Variants in PLB1 observed in about 807,000 individuals in gnomAD.
PLB1 encodes phospholipase B1.
PLB1 carries 242 observed loss-of-function variants against 227.4 expected under a neutral mutation model. That is an observed-to-expected ratio of 1.06 (90% CI 0.96 to 1.18). PLB1 has a LOEUF of 1.18. Among genes scored for constraint, PLB1 ranks in the 50% most tolerant of loss-of-function variants. The pLI, the probability that PLB1 is intolerant of heterozygous loss-of-function variation, is 0.00. For synonymous variants in PLB1, 757 were observed against 682.2 expected, an observed-to-expected ratio of 1.11 and a Z score of -1.71; for missense variants, 1,858 against 1,816.3, an observed-to-expected ratio of 1.02 and a Z score of -0.42.
rs1222477823 is a variant in PLB1 at position 28,629,194 on chromosome 2, A to G, written c.3818+9A>G. The G allele has an allele frequency of 4.3e-6, 7 of 1,612,686 alleles. No individual in the cohort carries two copies. The East Asian group carries it at 6.7e-5, about 15-fold the overall frequency. On this transcript the variant is annotated intron_variant, in intron 53 of 57. Transcript: ENST00000327757. ...GCCATGCTGGCAGCTCAGTAAGTGG[A>G]CAGGTCACCGTCCCAAGGCAAGGGC...
chr2:28,536,272 C>CA (rs1158665524), intron 9 of PLB1, among the ~76,000 whole-genome samples: 7 of 152,222 alleles, frequency 4.6e-5, no homozygotes, highest in African/African-American at 1.7e-4. Flanking sequence ...GTGACAATGA[C>CA]TCTGAAGGCA....
chr2:28,625,668 C>T (rs1341823225), intron 50 of PLB1, among the ~76,000 whole-genome samples: 2 of 152,158 alleles, frequency 1.3e-5, no homozygotes, highest in African/African-American at 2.4e-5. Context: ...AGTCTCCTTC[C>T]CCCGACCCTA....
chr2:28,510,768 A>T (rs1459159257), intron 1 of PLB1, among the ~76,000 whole-genome samples: 1 of 102,366 alleles, frequency 9.8e-6, no homozygotes, highest in East Asian at 2.3e-4. Flanking sequence ...GCACCACCAC[A>T]CTCAGATAAT....
At chr2:28,595,308 C>G (rs1448327492) in intron 33 of PLB1, 1 of 152,160 alleles carries the variant, frequency 6.6e-6, no homozygotes, top group African/African-American at 2.4e-5. Flanking sequence ...CTAAATGTTT[C>G]AAATAGCTGC....
At chr2:28,503,830 T>C (rs1045283283) in intron 1 of PLB1, among the ~76,000 whole-genome samples, 1 of 152,184 alleles carries the variant, frequency 6.6e-6, no homozygotes, top group Non-Finnish European at 1.5e-5. Flanking sequence ...TATGAGTCAA[T>C]GCAAGTTTCT....
At chr2:28,594,506 C>G (rs989154005) in intron 33 of PLB1, 2 of 157,968 alleles carry the variant, frequency 1.3e-5, no homozygotes, top group Non-Finnish European at 2.8e-5. Context: ...GGAGCCAGGA[C>G]AGCACCTTTG....
At chr2:28,520,529 G>A (rs184956200) in intron 4 of PLB1, among the ~76,000 whole-genome samples, 34 of 152,204 alleles carry the variant, frequency 2.2e-4, no homozygotes, top group Admixed American at 5.2e-4. Context: ...ATATATTCAC[G>A]TTATTGTGCA....
At chr2:28,562,207 A>T (rs1367509545) in intron 17 of PLB1, among the ~76,000 whole-genome samples, 1 of 152,088 alleles carries the variant, frequency 6.6e-6, no homozygotes, top group Non-Finnish European at 1.5e-5. Flanking sequence ...TGAACTGTTC[A>T]CCTTTAAATG....
intron 37 of PLB1, 51 bp from the exon 38 acceptor site, chr2:28,601,848 C>A: frequency 6.8e-7 from 1 of 1,466,390 alleles, no homozygotes; most frequent in Non-Finnish European, 9.6e-7. Context: ...TGCCCCACTG[C>A]CCTCCCACCC....
At chr2:28,590,296 GCCCTCA>G (rs1479550567) in intron 29 of PLB1, among the ~76,000 whole-genome samples, 4 of 152,134 alleles carry the variant, frequency 2.6e-5, no homozygotes, top group Admixed American at 1.3e-4. Context: ...GTGGCTGGGA[GCCCTCA>G]CACATGTCTG....
At chr2:28,506,618 T>C (rs1667665655) in intron 1 of PLB1, among the ~76,000 whole-genome samples, 1 of 152,206 alleles carries the variant, frequency 6.6e-6, no homozygotes, top group African/African-American at 2.4e-5. Flanking sequence ...GTGACCGGCC[T>C]AAGGTCATGC....
chr2:28,554,318 TAGAGAG>T lies in PLB1; in HGVS notation c.1147+1337_1147+1342del, dbSNP rs10601884. 1.7e-4 allele frequency among the ~76,000 whole-genome samples: 25 copies of T among 150,286 alleles called. 1 individual carries two copies. Among genetic ancestry groups the T allele is most frequent in the South Asian group, 4.2e-4 (2 of 4,760 alleles). On this transcript the variant is annotated intron_variant, in intron 17 of 57. Transcript: ENST00000327757. Reference sequence around the variant, plus strand: ...AGATGTGTGTATATATATGTCTATATAGAGAGAGAGAGAGAAATTTTTTTTTTGAAA... The same window carrying T: ...AGATGTGTGTATATATATGTCTATATAGAGAGAGAAATTTTTTTTTTGAAA...
intron 20 of PLB1, among the ~76,000 whole-genome samples, chr2:28,567,095 A>G (rs964966702): frequency 1.3e-5 from 2 of 152,150 alleles, no homozygotes; most frequent in African/African-American, 2.4e-5. Context: ...ATTGTGTTTG[A>G]CCAAAGGAGG....
rs1671078468 is a variant in PLB1 at position 28,532,014 on chromosome 2, G to T, written c.469-94G>T. ...TTCATACATGAGTTTTTCAGGGATG[G>T]GTGTATGAAATGGAAAGACATGAAA... On this transcript the variant is annotated intron_variant, in intron 8 of 57. Transcript: ENST00000327757. The T allele has an allele frequency of 3.2e-6, 3 of 938,570 alleles. No homozygotes were observed. In the East Asian group the frequency reaches 7.7e-5, roughly 24 times the overall value. 58.1% of individuals were successfully genotyped at this position (938,570 alleles called of 1,614,324 possible). A position where few individuals can be genotyped will look rare whatever the true frequency, so the allele number is the denominator to read the frequency against.
intron 51 of PLB1, among the ~76,000 whole-genome samples, chr2:28,627,019 GT>G (rs1278254796): frequency 1.3e-5 from 2 of 152,102 alleles, no homozygotes; most frequent in Admixed American, 6.5e-5. Context: ...ACTTCCAAAA[GT>G]TTTTATTTTG....
At chr2:28,557,155 A>T (rs1006667764) in intron 17 of PLB1, among the ~76,000 whole-genome samples, 16 of 152,208 alleles carry the variant, frequency 1.1e-4, no homozygotes, top group African/African-American at 3.6e-4. Flanking sequence ...AGCGAGTTCA[A>T]ACTCCCCCAA....
intron 1 of PLB1, among the ~76,000 whole-genome samples, chr2:28,509,893 T>C (rs1468647301): frequency 6.6e-6 from 1 of 152,154 alleles, no homozygotes; most frequent in Non-Finnish European, 1.5e-5. Flanking sequence ...GAGAAGTAGA[T>C]TGACGGCCCA....
intron 43 of PLB1, among the ~76,000 whole-genome samples, chr2:28,608,424 G>GGGC (rs1178457206): frequency 6.6e-6 from 1 of 152,196 alleles, no homozygotes; most frequent in Non-Finnish European, 1.5e-5. Context: ...ACGCAGTGGG[G>GGGC]GGCGGGAGGC....
chr2:28,565,218 G>A (rs999458785), intron 18 of PLB1, 62 bp from the exon 19 acceptor site: 3 of 1,447,458 alleles, frequency 2.1e-6, no homozygotes, highest in African/African-American at 2.8e-5. Flanking sequence ...CTTTTGGCAG[G>A]TAGGCAGAGG....
Sources: allele counts gnomAD v4.1 joint callset (sites outside exome capture counted in the v4.1 genomes callset), GRCh38; gene constraint gnomAD v4.1.1; transcripts MANE v1.5; gene names NCBI Gene and HGNC (gene_info 2026-07-23, HGNC 2026-07-21).